The following IL15RA variants were observed in gnomAD, a reference collection of about 807,000 sequenced individuals.
IL15RA encodes the protein interleukin-15 receptor subunit alpha.
Under a neutral mutation model 24.2 loss-of-function variants are expected in IL15RA, and 26 were observed. The ratio of observed to expected loss-of-function variants is 1.07; its 90% CI spans 0.79 to 1.49. The LOEUF (loss-of-function observed/expected upper bound fraction) is 1.49. IL15RA is among the 40% of genes most tolerant of loss of function. IL15RA has a pLI of 0.00. For synonymous variants in IL15RA, 166 were observed against 157.6 expected, an observed-to-expected ratio of 1.05 and a Z score of -0.40; for missense variants, 354 against 356.4, an observed-to-expected ratio of 0.99 and a Z score of 0.05.
intron 1 of IL15RA, chr10:5,976,926 C>T (rs1838550893): frequency 6.5e-6 from 1 of 153,330 alleles, no homozygotes. Context: ...CCCACCCTCC[C>T]AGCTCCCACT....
At position 5,971,252 on chromosome 10, in the gene IL15RA, G is replaced by A. The variant is rs557222513; in HGVS notation, c.89-4913C>T. Among the ~76,000 whole-genome samples, 14 of 152,178 alleles carry A rather than the reference G, an allele frequency of 9.2e-5. No individual in the cohort carries two copies. The highest frequency in any genetic ancestry group is 3.4e-4 in the African/African-American group (14 of 41,520). On this transcript the variant is annotated intron_variant, in intron 1 of 6. Coordinates refer to ENST00000379977, the MANE Select transcript of IL15RA (RefSeq NM_002189.4). This position sits in a 1 kb window ranked among gnomAD's most constrained non-coding sequence, Gnocchi z 5.5. ...TAGATATTTTCTGAATACATATAAT[G>A]GAATTATGAAGTAATGGAAATTGGA...
chr10:5,974,128 T>C (rs1316719251), intron 1 of IL15RA, among the ~76,000 whole-genome samples: 1 of 152,132 alleles, frequency 6.6e-6, no homozygotes, highest in Non-Finnish European at 1.5e-5. Context: ...GCCTCCTGAG[T>C]AGCTGACATT....
rs929224110 is a variant in IL15RA at position 5,975,829 on chromosome 10, G to A, written c.88+1576C>T. On this transcript the variant is annotated intron_variant, in intron 1 of 6. Transcript: ENST00000379977. This position sits in a 1 kb window ranked among gnomAD's most constrained non-coding sequence, Gnocchi z 4.8. ...AATCGCTTGAACCCAGGAGGCGGAG[G>A]TTGCAGTGAGCTGAGATCGCGCTAC... Among the ~76,000 whole-genome samples, 3 of 152,162 alleles carry A rather than the reference G, an allele frequency of 2.0e-5. No individual in the cohort carries two copies. The highest frequency in any genetic ancestry group is 7.2e-5 in the African/African-American group (3 of 41,442).
At chr10:5,977,587 G>A (rs1369074977), upstream of IL15RA, 1 of 1,256,008 alleles carries the variant, frequency 8.0e-7, no homozygotes. Flanking sequence ...CTGCCGCCCC[G>A]CCAGTCGCAT....
Position 5,960,374 on chromosome 10 carries a change from C to G in IL15RA, c.576G>C (p.Gln192His). The G allele has an allele frequency of 6.2e-7, 1 of 1,614,088 alleles. No individual in the cohort carries two copies. Among genetic ancestry groups the G allele is most frequent in the Non-Finnish European group, 8.5e-7 (1 of 1,179,972 alleles). ...GGCAAAGCGAGTGCTAACCTGGCGG[C>G]TGGTGGGAGGCGGATGCTGTGAGTT... Reference protein sequence around the residue: ...NWELTASASHQPPGVYPQGHS... With the variant: ...NWELTASASHHPPGVYPQGHS... The change falls in exon 4 of 7, where the codon CAG becomes CAC. Residue 192 changes from glutamine to histidine, a missense_variant. Gln to His is a conservative substitution (Grantham distance 24). Coordinates refer to ENST00000379977, the MANE Select transcript of IL15RA (RefSeq NM_002189.4). The surrounding 1 kb of genome is among the most constrained non-coding windows in gnomAD (Gnocchi z 5.1).
rs567244187 is a variant in IL15RA, at chr10:5,966,566, C to A, written c.89-227G>T. 6.6e-6 allele frequency among the ~76,000 whole-genome samples: 1 copy of A among 151,982 alleles called. No individual in the cohort carries two copies. Among genetic ancestry groups the A allele is most frequent in the Admixed American group, 6.5e-5 (1 of 15,280 alleles). On this transcript the variant is annotated intron_variant, in intron 1 of 6. Transcript: ENST00000379977. This position sits in a 1 kb window ranked among gnomAD's most constrained non-coding sequence, Gnocchi z 6.4. ...CAGCCAGCAAAACTACAGATGAGGG[C>A]GTGGGGAGAGGGTCATCGATGAAAC...
Position 5,968,682 on chromosome 10 carries a change from T to C in IL15RA, c.89-2343A>G. The C allele has an allele frequency of 1.5e-6, 1 of 682,660 alleles. No individual in the cohort carries two copies. Among genetic ancestry groups the C allele is most frequent in the Non-Finnish European group, 2.7e-6 (1 of 373,322 alleles). The allele number at this position is 682,660 out of a possible 1,614,324, so 42.3% of individuals were successfully genotyped here. A position where few individuals can be genotyped will look rare whatever the true frequency, so the allele number is the denominator to read the frequency against. On this transcript the variant is annotated intron_variant, in intron 1 of 6. Coordinates refer to ENST00000379977, the MANE Select transcript of IL15RA (RefSeq NM_002189.4). This position sits in a 1 kb window ranked among gnomAD's most constrained non-coding sequence, Gnocchi z 5.4. ...TTCTCCATGTTCTGCTCCACACTGA[T>C]CTTCTGTCCTTCTCTACCTGCCTAA...
rs994830142 is a variant in IL15RA at position 5,973,741 on chromosome 10, C to A, written c.88+3664G>T. On this transcript the variant is annotated intron_variant, in intron 1 of 6. Coordinates refer to ENST00000379977, the MANE Select transcript of IL15RA (RefSeq NM_002189.4). This position sits in a 1 kb window ranked among gnomAD's most constrained non-coding sequence, Gnocchi z 4.5. ...TTCTAGAGGAACACATAGAAGTAAA[C>A]CTTTGTAACCTTAGGCTAGGCAAAT... 6.6e-6 allele frequency among the ~76,000 whole-genome samples: 1 copy of A among 152,148 alleles called. No individual in the cohort carries two copies. The highest frequency in any genetic ancestry group is 2.4e-5 in the African/African-American group (1 of 41,430).
chr10:5,949,855 G>A (rs924371810), downstream of IL15RA, among the ~76,000 whole-genome samples: 9 of 152,154 alleles, frequency 5.9e-5, no homozygotes, highest in African/African-American at 2.2e-4. The surrounding 1 kb of genome is among the most constrained non-coding windows in gnomAD (Gnocchi z 4.4). Flanking sequence ...CCAGCACTTT[G>A]GAGGCTGAGG....
Position 5,960,328 on chromosome 10 carries a change from T to C in IL15RA, c.583+39A>G. 6.4e-7 allele frequency: 1 copy of C among 1,563,484 alleles called. No homozygotes were observed. Among genetic ancestry groups the C allele is most frequent in the African/African-American group, 1.4e-5 (1 of 73,876 alleles). ...TCAGCCCCGATCTCAGAAGCAGCAA[T>C]GGGGAACTGACCTCTCCTGGGGCAA... On this transcript the variant is annotated intron_variant, in intron 4 of 6. Transcript: ENST00000379977. This position sits in a 1 kb window ranked among gnomAD's most constrained non-coding sequence, Gnocchi z 5.1.
Position 5,959,767 on chromosome 10 carries a change from G to C in IL15RA, c.603C>G (p.His201Gln), listed in dbSNP as rs1384180054. The C allele has an allele frequency of 6.2e-7, 1 of 1,613,942 alleles. No individual in the cohort carries two copies. Among genetic ancestry groups the C allele is most frequent in the African/African-American group, 1.3e-5 (1 of 75,054 alleles). The change falls in exon 5 of 7, where the codon CAC becomes CAG. Residue 201 changes from histidine (H) to glutamine (Q), a missense_variant. By Grantham distance (24) the His-to-Gln change is conservative (BLOSUM62 0). Coordinates refer to ENST00000379977, the MANE Select transcript of IL15RA (RefSeq NM_002189.4). The surrounding 1 kb of genome is among the most constrained non-coding windows in gnomAD (Gnocchi z 4.1). ...HQPPGVYPQG[H>Q]SDTTVAISTS... ...GGACACACTTACCAGTGGTGTCGCT[G>C]TGGCCCTGTGGATACACACCTGCGG...
chr10:5,965,280 C>T lies in IL15RA; in HGVS notation c.283+865G>A, dbSNP rs997457959. ...TCCCTCACCCCTGCTGGACACCATG[C>T]ACAGGTGACTGAGCAAAGGGCAGCC... On this transcript the variant is annotated intron_variant, in intron 2 of 6. Coordinates refer to ENST00000379977, the MANE Select transcript of IL15RA (RefSeq NM_002189.4). The surrounding 1 kb of genome is among the most constrained non-coding windows in gnomAD (Gnocchi z 5.8). Among the ~76,000 whole-genome samples the T allele has an allele frequency of 2.0e-5, 3 of 152,142 alleles. No individual in the cohort carries two copies. Among genetic ancestry groups the T allele is most frequent in the African/African-American group, 7.2e-5 (3 of 41,438 alleles).
In IL15RA at chr10:5,952,548, G is replaced by A. The variant is rs1334195764; in HGVS notation, c.*547C>T. The A allele has an allele frequency of 1.3e-4, 21 of 155,914 alleles. No individual in the cohort carries two copies. The allele number at this position is 155,914 out of a possible 1,614,324, so 9.7% of individuals were successfully genotyped here. On this transcript the variant is annotated 3_prime_UTR_variant, in exon 7 of 7. Coordinates refer to ENST00000379977, the MANE Select transcript of IL15RA (RefSeq NM_002189.4). ...TTCTTCCTGAATCCTTCAATGGAGA[G>A]GATTCGCTGGGCTCAGCATCTCTCC...
chr10:5,957,122 G>C (rs940477637), intron 5 of IL15RA, among the ~76,000 whole-genome samples: 10 of 151,806 alleles, frequency 6.6e-5, no homozygotes. Flanking sequence ...ACCACGCCTG[G>C]CTAATTTTTT....
In IL15RA at chr10:5,953,890, C is replaced by A. The variant is rs41294035; in HGVS notation, c.693-684G>T. The A allele has an allele frequency of 3.6e-3, 565 of 155,366 alleles. 4 individuals are homozygous for A. Among genetic ancestry groups the A allele is most frequent in the East Asian group, 0.023 (119 of 5,228 alleles). 9.6% of individuals were successfully genotyped at this position (155,366 alleles called of 1,614,324 possible). A position where few individuals can be genotyped will look rare whatever the true frequency, so the allele number is the denominator to read the frequency against. On this transcript the variant is annotated intron_variant, in intron 6 of 6. Coordinates refer to ENST00000379977, the MANE Select transcript of IL15RA (RefSeq NM_002189.4). This position sits in a 1 kb window ranked among gnomAD's most constrained non-coding sequence, Gnocchi z 5.3. ...TCTGGAGCTGCCTGGGTGCTGATGC[C>A]CTGGGCATCTGGCCGGCACCTTCTA...
chr10:5,972,889 G>T (rs1447154264), intron 1 of IL15RA, among the ~76,000 whole-genome samples: 5 of 151,968 alleles, frequency 3.3e-5, no homozygotes, highest in African/African-American at 1.2e-4. Context: ...AGATAAAATG[G>T]ATAGGAAATA....
In IL15RA at chr10:5,953,170, G is replaced by A; in HGVS notation, c.729C>T (p.Ala243=). 2 of 1,614,228 alleles carry A rather than the reference G, an allele frequency of 1.2e-6. No individual in the cohort carries two copies. Among genetic ancestry groups the A allele is most frequent in the Non-Finnish European group, 1.7e-6 (2 of 1,180,024 alleles). Residue 243 remains alanine, a synonymous_variant, in exon 7 of 7, where the codon GCC becomes GCT. Transcript: ENST00000379977. The surrounding 1 kb of genome is among the most constrained non-coding windows in gnomAD (Gnocchi z 5.3). The part of the protein sequence containing the change: ...TPPLASVEME[A]MEALPVTWGT... ...CCCAAGTCACCGGCAGAGCCTCCATGGCTTCCATTTCAACGCTGGCCAGCG... is the reference window on the plus strand; with the variant it reads ...CCCAAGTCACCGGCAGAGCCTCCATAGCTTCCATTTCAACGCTGGCCAGCG...
At position 5,952,750 on chromosome 10, in the gene IL15RA, G is replaced by C; in HGVS notation, c.*345C>G. 1 of 301,780 alleles carries C rather than the reference G, an allele frequency of 3.3e-6. No individual in the cohort carries two copies. The highest frequency in any genetic ancestry group is 6.1e-6 in the Non-Finnish European group (1 of 162,728). 18.7% of individuals were successfully genotyped at this position (301,780 alleles called of 1,614,324 possible). A position where few individuals can be genotyped will look rare whatever the true frequency, so the allele number is the denominator to read the frequency against. On this transcript the variant is annotated 3_prime_UTR_variant, in exon 7 of 7. Transcript: ENST00000379977. ...GAACTGAAAGTTAGGATGAGGGACGGAAGATTCGGGGCAGGGTTTTTATTT... is the reference window on the plus strand; with the variant it reads ...GAACTGAAAGTTAGGATGAGGGACGCAAGATTCGGGGCAGGGTTTTTATTT...
chr10:5,953,195 G>T lies in IL15RA; in HGVS notation c.704C>A (p.Pro235Gln). 6.2e-7 allele frequency: 1 copy of T among 1,613,790 alleles called. No homozygotes were observed. Among genetic ancestry groups the T allele is most frequent in the Non-Finnish European group, 8.5e-7 (1 of 1,179,642 alleles). Residue 235 changes from proline to glutamine, a missense_variant, in exon 7 of 7, where the codon CCG (proline) becomes CAG (glutamine). Transcript: ENST00000379977. The surrounding 1 kb of genome is among the most constrained non-coding windows in gnomAD (Gnocchi z 5.3). ...ACYLKSRQTP[P>Q]LASVEMEAME... ...GGCTTCCATTTCAACGCTGGCCAGC[G>T]GGGGAGTTTGCCTGCAAAGCAGGTG...
Sources: gnomAD v4.1 joint callset for allele counts (sites outside exome capture counted in the v4.1 genomes callset) on GRCh38, gnomAD v4.1.1 for gene constraint, Gnocchi (gnomAD v3.1) non-coding constraint, MANE v1.5 for transcripts, NCBI Gene and HGNC (gene_info 2026-07-23, HGNC 2026-07-21) for gene names.